POU2F3: variants seen among roughly 807,000 people sequenced by gnomAD.
The protein encoded by POU2F3 is POU class 2 homeobox 3, also known as POU domain, class 2, transcription factor 3.
A neutral mutation model predicts 59.2 loss-of-function variants in POU2F3; 23 were observed. That is an observed-to-expected ratio of 0.39 (90% confidence interval 0.28 to 0.55). The LOEUF (loss-of-function observed/expected upper bound fraction) is 0.55. Ranked by LOEUF, POU2F3 falls within the 20% of genes least tolerant of loss-of-function variation. POU2F3 has a pLI of 0.66. For synonymous variants in POU2F3, 190 were observed against 214.6 expected (o/e 0.89, Z 1.00); for missense variants, 473 against 544.5 (o/e 0.87, Z 1.31).
intron 2 of POU2F3, among the ~76,000 whole-genome samples, chr11:120,250,957 A>G (rs1196445153): frequency 6.6e-6 from 1 of 151,800 alleles, no homozygotes; most frequent in East Asian, 1.9e-4. Context: ...AGCCTGGGTG[A>G]CAGAGCAAAA....
intron 3 of POU2F3, among the ~76,000 whole-genome samples, chr11:120,294,542 G>T (rs1461126468): frequency 6.6e-6 from 1 of 152,232 alleles, no homozygotes; most frequent in Non-Finnish European, 1.5e-5. Flanking sequence ...TCCAACAGAA[G>T]TCTCTCTATC....
intron 11 of POU2F3, 59 bp from the exon 12 acceptor site, chr11:120,317,170 G>A (rs1236946721): frequency 9.4e-6 from 15 of 1,596,774 alleles, no homozygotes; most frequent in African/African-American, 5.4e-5. Flanking sequence ...GCTATGTCCC[G>A]ATGTCCCGGG....
At chr11:120,292,438 T>C (rs1342010806) in intron 3 of POU2F3, among the ~76,000 whole-genome samples, 2 of 152,182 alleles carry the variant, frequency 1.3e-5, no homozygotes, top group Non-Finnish European at 2.9e-5. Context: ...GAACAGCCAC[T>C]GGGCTTGGAA....
At chr11:120,259,525 A>G (rs1029436385) in intron 2 of POU2F3, 11 of 152,172 alleles carry the variant, frequency 7.2e-5, no homozygotes, top group Non-Finnish European at 1.5e-4. Flanking sequence ...GCTAGTGGAG[A>G]AATAAGACTC....
At chr11:120,268,272 G>C (rs1189035824) in intron 2 of POU2F3, among the ~76,000 whole-genome samples, 2 of 152,112 alleles carry the variant, frequency 1.3e-5, no homozygotes, top group African/African-American at 4.8e-5. Flanking sequence ...CCTCTCGGTA[G>C]GGTGATTTTT....
intron 5 of POU2F3, 167 bp from the exon 6 acceptor site, chr11:120,302,119 C>T (rs1045694326): frequency 1.3e-5 from 8 of 602,216 alleles, no homozygotes; most frequent in Middle Eastern, 3.5e-4. Flanking sequence ...TGTGGCAATG[C>T]CTGGCAGTGC....
chr11:120,311,487 G>A (rs182466585), intron 10 of POU2F3, among the ~76,000 whole-genome samples: 2 of 152,304 alleles, frequency 1.3e-5, no homozygotes, highest in Admixed American at 6.5e-5. Context: ...CAGGGAGAGA[G>A]ATGAAGAAAA....
rs778237880 is a variant in POU2F3 at position 120,302,350 on chromosome 11, G to C, written c.426G>C (p.Gly142=). The change falls in exon 6 of 13, where the codon GGG becomes GGC. Residue 142 remains glycine (G), a synonymous_variant. Transcript: ENST00000543440. ...GCGGTCTCCTCCTCCCACAGACTGGGCCGGGACTGGCATCCCAGGTAAACA... is the reference window on the plus strand; with the variant it reads ...GCGGTCTCCTCCTCCCACAGACTGGCCCGGGACTGGCATCCCAGGTAAACA... ...QQSGLLLPQT[G]PGLASQAFGH... The C allele has an allele frequency of 2.0e-5, 32 of 1,609,336 alleles. No homozygotes were observed. Among genetic ancestry groups the C allele is most frequent in the Non-Finnish European group, 2.6e-5 (30 of 1,175,882 alleles).
At chr11:120,241,334 A>T (rs1346660705) in intron 1 of POU2F3, among the ~76,000 whole-genome samples, 1 of 152,150 alleles carries the variant, frequency 6.6e-6, no homozygotes, top group African/African-American at 2.4e-5. Flanking sequence ...GAGAGTAGGG[A>T]GGAGGCAATG....
chr11:120,240,327 GC>G lies in POU2F3; in HGVS notation c.-13del. The G allele has an allele frequency of 7.2e-7, 1 of 1,381,706 alleles. No homozygotes were observed. The highest frequency in any genetic ancestry group is 2.0e-5 in the South Asian group (1 of 49,014). 85.6% of individuals were successfully genotyped at this position (1,381,706 alleles called of 1,614,324 possible). ...GGGGCCTGGGGGGGCGCTGGCTTTG[GC>G]CCCGCCTGGGGCAGGATGGTGAATC... On this transcript the variant is annotated 5_prime_UTR_variant, in exon 1 of 13. Transcript: ENST00000543440.
At chr11:120,311,751 A>G (rs1386592504) in intron 10 of POU2F3, among the ~76,000 whole-genome samples, 1 of 152,182 alleles carries the variant, frequency 6.6e-6, no homozygotes. Context: ...GGGAGTCACA[A>G]GTGTGCAGGT....
intron 3 of POU2F3, among the ~76,000 whole-genome samples, chr11:120,275,944 T>C (rs995097424): frequency 6.6e-6 from 1 of 152,204 alleles, no homozygotes; most frequent in Admixed American, 6.5e-5. Flanking sequence ...CGAGTACAAA[T>C]TGACTTGTAA....
chr11:120,306,733 G>C (rs1356917146), intron 8 of POU2F3, among the ~76,000 whole-genome samples: 1 of 152,124 alleles, frequency 6.6e-6, no homozygotes, highest in African/African-American at 2.4e-5. Flanking sequence ...GAAAAGGGTG[G>C]GGCAGCCAGC....
At chr11:120,271,669 T>C (rs959675096) in intron 3 of POU2F3, among the ~76,000 whole-genome samples, 1 of 152,192 alleles carries the variant, frequency 6.6e-6, no homozygotes, top group Non-Finnish European at 1.5e-5. Flanking sequence ...ACACTAGTGC[T>C]GGAGAGAAGG....
intron 2 of POU2F3, among the ~76,000 whole-genome samples, chr11:120,258,586 A>T (rs1477046819): frequency 1.3e-5 from 2 of 152,048 alleles, no homozygotes; most frequent in Non-Finnish European, 2.9e-5. Flanking sequence ...TTTCTCTGAG[A>T]TGTGTTTTTG....
At chr11:120,298,945 C>T (rs1274541407) in intron 4 of POU2F3, among the ~76,000 whole-genome samples, 1 of 152,170 alleles carries the variant, frequency 6.6e-6, no homozygotes, top group African/African-American at 2.4e-5. Flanking sequence ...TGCCATTTAG[C>T]AGGGCTTCTC....
At chr11:120,243,211 G>A (rs2135119838) in intron 1 of POU2F3, among the ~76,000 whole-genome samples, 1 of 152,284 alleles carries the variant, frequency 6.6e-6, no homozygotes, top group East Asian at 1.9e-4. Flanking sequence ...CCCAGTGGAA[G>A]TGCCGCCATC....
At chr11:120,276,448 T>C (rs1940329199) in intron 3 of POU2F3, among the ~76,000 whole-genome samples, 1 of 151,876 alleles carries the variant, frequency 6.6e-6, no homozygotes, top group Admixed American at 6.6e-5. Context: ...GAGACCTCTT[T>C]GGGAGGATGA....
chr11:120,317,810 G>A (rs144251354), intron 12 of POU2F3, among the ~76,000 whole-genome samples: 14 of 152,308 alleles, frequency 9.2e-5, no homozygotes, highest in Middle Eastern at 3.4e-3. Flanking sequence ...ACTCCCAGCT[G>A]GGATGCAGTG....
Sources: allele counts gnomAD v4.1 joint callset (sites outside exome capture counted in the v4.1 genomes callset), GRCh38; gene constraint gnomAD v4.1.1; transcripts MANE v1.5; gene names NCBI Gene and HGNC (gene_info 2026-07-23, HGNC 2026-07-21).